Variants in OTOL1 observed in about 807,000 individuals in gnomAD.
OTOL1 encodes otolin-1.
A neutral mutation model predicts 25.0 loss-of-function variants in OTOL1; 31 were observed. That is an observed-to-expected ratio of 1.24 (90% CI 0.93 to 1.67). The LOEUF (loss-of-function observed/expected upper bound fraction) is 1.67, where lower values mean the gene tolerates loss of function less well. OTOL1 is among the 40% of genes most tolerant of loss of function. OTOL1 has a pLI of 0.00. For synonymous variants in OTOL1, 225 were observed against 210.3 expected (o/e 1.07, Z -0.61); for missense variants, 654 against 587.7 (o/e 1.11, Z -1.17).
chr3:161,497,184 A>G lies in OTOL1; in HGVS notation c.364+13A>G, dbSNP rs748894297. 6.3e-7 allele frequency: 1 copy of G among 1,593,904 alleles called. No homozygotes were observed. The highest frequency in any genetic ancestry group is 2.2e-5 in the East Asian group (1 of 44,756). On this transcript the variant is annotated intron_variant, in intron 1 of 3. Transcript: ENST00000327928. ...ACTGGACAGCCAGGTATTAGAAAAT[A>G]TAAGAAGTCATGTTTCTCACTTGTA...
rs1309110806 is a variant in OTOL1 at position 161,503,494 on chromosome 3, GC to G, written c.987del (p.Phe330LeufsTer67). The G allele has an allele frequency of 6.2e-7, 1 of 1,613,644 alleles. No individual in the cohort carries two copies. The highest frequency in any genetic ancestry group is 8.5e-7 in the Non-Finnish European group (1 of 1,179,846). ...RGPTGKKGSR[G>X]FKGSKGELAR... The stretch of plus-strand genomic sequence containing the variant: ...CCCACTGGGAAGAAGGGCTCTCGGG[GC>G]TTTAAAGGCTCCAAGGGTGAGTTGG... On this transcript the variant is annotated frameshift_variant, in exon 4 of 4. Transcript: ENST00000327928. LOFTEE classifies it low-confidence loss of function (END_TRUNC).
Position 161,503,754 on chromosome 3 carries a change from A to G in OTOL1, c.1246A>G (p.Arg416Gly), listed in dbSNP as rs753839135. ...VAQNKKQFKS[R>G]ETLYGQEIDQ... Reference sequence around the variant, plus strand: ...CCAGAATAAGAAGCAGTTCAAGTCCAGAGAAACTCTCTATGGTCAGGAAAT... The same window carrying G: ...CCAGAATAAGAAGCAGTTCAAGTCCGGAGAAACTCTCTATGGTCAGGAAAT... Residue 416 changes from arginine to glycine, a missense_variant, in exon 4 of 4, where the codon AGA (arginine) becomes GGA (glycine). Arg to Gly is a moderately radical substitution (Grantham distance 125). Coordinates refer to ENST00000327928, the MANE Select transcript of OTOL1 (RefSeq NM_001080440.1). 55 of 1,613,804 alleles carry G rather than the reference A, an allele frequency of 3.4e-5. No homozygotes were observed. Among genetic ancestry groups the G allele is most frequent in the Non-Finnish European group, 4.4e-5 (52 of 1,179,876 alleles).
At position 161,503,691 on chromosome 3, in the gene OTOL1, A is replaced by G; in HGVS notation, c.1183A>G (p.Thr395Ala). 1 of 1,613,698 alleles carries G rather than the reference A, an allele frequency of 6.2e-7. No homozygotes were observed. The change falls in exon 4 of 4, where the codon ACG (threonine) becomes GCG (alanine). Residue 395 changes from threonine (T) to alanine (A), a missense_variant. By Grantham distance (58) the Thr-to-Ala change is moderately conservative. Transcript: ENST00000327928. ...GACATATGTTTTTTCCTACCATATT[A>G]CGGTGAGGGGGCGACCTGCTCGAAT... ...PGTYVFSYHI[T>A]VRGRPARISL...
At chr3:161,497,246 T>C in intron 1 of OTOL1, 75 bp downstream of exon 1, 1 of 1,510,680 alleles carries the variant, frequency 6.6e-7, no homozygotes, top group East Asian at 2.3e-5. Flanking sequence ...TCGGGTGAAA[T>C]TGCCCCAGGA....
rs1397828258 is a variant in OTOL1, at chr3:161,503,379, A to G, written c.871A>G (p.Ile291Val). 3.1e-6 allele frequency: 5 copies of G among 1,608,172 alleles called. No individual in the cohort carries two copies. The Middle Eastern group carries it at 5.0e-4, about 160-fold the overall frequency. Residue 291 changes from isoleucine to valine, a missense_variant, in exon 4 of 4, where the codon ATT (isoleucine) becomes GTT (valine). Transcript: ENST00000327928. ...GCCTGGGGCCAAAGGTGATCCAGGG[A>G]TTAAAGGAGAAAAAGGAGAGTTAGG... ...GLPGAKGDPG[I>V]KGEKGELGPP...
intron 2 of OTOL1, 50 bp from the exon 3 acceptor site, chr3:161,502,257 A>G (rs1434006289): frequency 8.2e-6 from 12 of 1,455,588 alleles, no homozygotes; most frequent in Non-Finnish European, 1.1e-5. Context: ...AATATTAAAT[A>G]TATCATAAAT....
chr3:161,503,690 T>C lies in OTOL1; in HGVS notation c.1182T>C (p.Ile394=), dbSNP rs773630531. 3.1e-6 allele frequency: 5 copies of C among 1,613,532 alleles called. No homozygotes were observed. The highest frequency in any genetic ancestry group is 4.2e-6 in the Non-Finnish European group (5 of 1,179,750). ...IPGTYVFSYH[I]TVRGRPARIS... is the part of the protein sequence containing the mutation. ...GGACATATGTTTTTTCCTACCATAT[T>C]ACGGTGAGGGGGCGACCTGCTCGAA... Residue 394 remains isoleucine (I), a synonymous_variant, in exon 4 of 4, where the codon ATT becomes ATC. Transcript: ENST00000327928.
chr3:161,502,145 G>A (rs1004462814), intron 2 of OTOL1, among the ~76,000 whole-genome samples, 162 bp from the exon 3 acceptor site: 1 of 152,214 alleles, frequency 6.6e-6, no homozygotes, highest in East Asian at 1.9e-4. Flanking sequence ...TGGGATTATA[G>A]GAGTGAGCCG....
chr3:161,503,913 C>G lies in OTOL1; in HGVS notation c.1405C>G (p.Pro469Ala), dbSNP rs1475834933. The G allele has an allele frequency of 1.9e-6, 3 of 1,612,426 alleles. No homozygotes were observed. The highest frequency in any genetic ancestry group is 2.5e-6 in the Non-Finnish European group (3 of 1,179,294). Residue 469 changes from proline (P) to alanine (A), a missense_variant, in exon 4 of 4, where the codon CCA becomes GCA. Pro to Ala is a conservative substitution (Grantham distance 27). Transcript: ENST00000327928. ...DSIFTGFLLYPEETSGISP is the reference protein window; with the variant it reads ...DSIFTGFLLYAEETSGISP The stretch of plus-strand genomic sequence containing the variant: ...CATTTTTACTGGGTTCCTTTTGTAC[C>G]CAGAGGAAACTTCTGGAATTTCACC...
rs1237718286 is a variant in OTOL1, at chr3:161,503,115, T to G, written c.607T>G (p.Cys203Gly). The G allele has an allele frequency of 1.4e-6, 2 of 1,420,126 alleles. No individual in the cohort carries two copies. The highest frequency in any genetic ancestry group is 5.1e-5 in the East Asian group (2 of 38,962). The allele number at this position is 1,420,126 out of a possible 1,614,324, so 88.0% of individuals were successfully genotyped here. ...CTCCAAGGGAGACACATGTGGGAAT[T>G]GTACCAAAGGAGAAAAAGGAGACCA... ...KGSKGDTCGNCTKGEKGDQGA... is the reference protein window; with the variant it reads ...KGSKGDTCGNGTKGEKGDQGA... Residue 203 changes from cysteine (C) to glycine (G), a missense_variant, in exon 4 of 4, where the codon TGT (cysteine) becomes GGT (glycine). Coordinates refer to ENST00000327928, the MANE Select transcript of OTOL1 (RefSeq NM_001080440.1).
At chr3:161,500,913 T>C (rs1373196278) in intron 2 of OTOL1, among the ~76,000 whole-genome samples, 1 of 152,082 alleles carries the variant, frequency 6.6e-6, no homozygotes, top group Non-Finnish European at 1.5e-5. Flanking sequence ...CTGGAGGGAG[T>C]CTATTCTCAC....
Position 161,503,537 on chromosome 3 carries a change from G to A in OTOL1, c.1029G>A (p.Ser343=). Residue 343 remains serine (S), a synonymous_variant, in exon 4 of 4, where the codon TCG becomes TCA. Coordinates refer to ENST00000327928, the MANE Select transcript of OTOL1 (RefSeq NM_001080440.1). ...SKGELARVPR[S]AFSAGLSKPF... ...GTGAGTTGGCTAGAGTGCCCCGGTC[G>A]GCTTTCAGCGCTGGTTTGTCAAAGC... 2.5e-6 allele frequency: 4 copies of A among 1,613,786 alleles called. 1 individual carries two copies. The South Asian group carries it at 3.3e-5, about 13-fold the overall frequency.
Position 161,503,351 on chromosome 3 carries a change from T to A in OTOL1, c.843T>A (p.Gly281=), listed in dbSNP as rs1719025560. ...SGMEGKSGRN[G]LPGAKGDPGI... ...TGGAAGGCAAAAGCGGCCGTAATGG[T>A]CTGCCTGGGGCCAAAGGTGATCCAG... The change falls in exon 4 of 4, where the codon GGT becomes GGA. Residue 281 remains glycine, a synonymous_variant. Coordinates refer to ENST00000327928, the MANE Select transcript of OTOL1 (RefSeq NM_001080440.1). 2 of 1,593,526 alleles carry A rather than the reference T, an allele frequency of 1.3e-6. No individual in the cohort carries two copies. The highest frequency in any genetic ancestry group is 1.7e-6 in the Non-Finnish European group (2 of 1,170,804).
chr3:161,499,142 T>C (rs1458927181), intron 1 of OTOL1, 29 bp from the exon 2 acceptor site: 7 of 1,524,602 alleles, frequency 4.6e-6, no homozygotes, highest in Admixed American at 1.8e-5. Context: ...AAATTTTATA[T>C]TCTGATGTAT....
Position 161,503,341 on chromosome 3 carries a change from G to T in OTOL1, c.833G>T (p.Gly278Val), listed in dbSNP as rs1317680844. 6.3e-7 allele frequency: 1 copy of T among 1,583,542 alleles called. No homozygotes were observed. Among genetic ancestry groups the T allele is most frequent in the Non-Finnish European group, 8.6e-7 (1 of 1,166,644 alleles). Residue 278 changes from glycine to valine, a missense_variant, in exon 4 of 4, where the codon GGC becomes GTC. Physicochemically the swap from Gly to Val is moderately radical, Grantham distance 109. Transcript: ENST00000327928. ...GACAGTGGAATGGAAGGCAAAAGCG[G>T]CCGTAATGGTCTGCCTGGGGCCAAA... ...KGDSGMEGKS[G>V]RNGLPGAKGD...
rs1290996334 is a variant in OTOL1, at chr3:161,499,179, G to T, written c.373G>T (p.Gly125Ter). Residue 125 changes from glycine to a stop codon, truncating the protein, a stop_gained, in exon 2 of 4, where the codon GGA (glycine) becomes TGA (stop). Transcript: ENST00000327928. LOFTEE classifies it high-confidence loss of function. Reference sequence around the variant, plus strand: ...TAAAATCCCATTTCTAGGTCCTAAAGGAGAGGCTGGAAATTTGGGGATCCC... The same window carrying T: ...TAAAATCCCATTTCTAGGTCCTAAATGAGAGGCTGGAAATTTGGGGATCCC... ...PGETGQPGPKGEAGNLGIPGP... is the reference protein window; with the variant it reads ...PGETGQPGPK The T allele has an allele frequency of 6.2e-7, 1 of 1,609,084 alleles. No individual in the cohort carries two copies. The highest frequency in any genetic ancestry group is 2.2e-5 in the East Asian group (1 of 44,762).
chr3:161,497,721 A>G (rs1718871655), intron 1 of OTOL1, among the ~76,000 whole-genome samples: 1 of 152,066 alleles, frequency 6.6e-6, no homozygotes. Flanking sequence ...TTAGGATTCC[A>G]TTTGCTTCTC....
rs1434008215 is a variant in OTOL1 at position 161,497,081 on chromosome 3, C to A, written c.274C>A (p.Leu92Ile). 2.5e-6 allele frequency: 4 copies of A among 1,613,690 alleles called. No individual in the cohort carries two copies. ...ATLSPFENFT[L>I]DPADFFLNCC... ...TCTCTCTCCCTTTGAAAACTTCACT[C>A]TTGACCCAGCTGATTTCTTTTTGAA... The change falls in exon 1 of 4, where the codon CTT (leucine) becomes ATT (isoleucine). Residue 92 changes from leucine to isoleucine, a missense_variant. By Grantham distance (5) the Leu-to-Ile change is conservative (BLOSUM62 2). Transcript: ENST00000327928.
At chr3:161,499,329 C>T (rs992540135) in intron 2 of OTOL1, 69 bp downstream of exon 2, 1 of 1,176,602 alleles carries the variant, frequency 8.5e-7, no homozygotes, top group Non-Finnish European at 1.2e-6. Context: ...CAATTTGCTA[C>T]TTAAAGACTA....
Sources: gnomAD v4.1 joint callset for allele counts (sites outside exome capture counted in the v4.1 genomes callset) on GRCh38, gnomAD v4.1.1 for gene constraint, MANE v1.5 for transcripts, NCBI Gene and HGNC (gene_info 2026-07-23, HGNC 2026-07-21) for gene names.